WDR70: variants seen among roughly 807,000 people sequenced by gnomAD.
The protein encoded by WDR70 is WD repeat domain 70, also known as WD repeat-containing protein 70.
In WDR70, 53 loss-of-function variants were observed where a neutral mutation model predicts 88.6. That is an observed-to-expected ratio of 0.60 (90% confidence interval 0.48 to 0.75). The LOEUF is 0.75. Ranked by LOEUF, WDR70 falls within the 30% of genes least tolerant of loss-of-function variation. The pLI is 0.00. For missense variants in WDR70, 610 were observed against 823.2 expected, an observed-to-expected ratio of 0.74 and a Z score of 3.17; for synonymous variants, 280 against 270.0, an observed-to-expected ratio of 1.04 and a Z score of -0.36.
chr5:37,419,611 C>G (rs548271612), intron 5 of WDR70, among the ~76,000 whole-genome samples: 1 of 151,586 alleles, frequency 6.6e-6, no homozygotes, highest in Non-Finnish European at 1.5e-5. Context: ...ATCAGAAGTT[C>G]GAGACCAGCC....
chr5:37,496,805 G>A (rs1740231072), intron 8 of WDR70, among the ~76,000 whole-genome samples: 1 of 152,162 alleles, frequency 6.6e-6, no homozygotes, highest in Admixed American at 6.5e-5. Context: ...CCTGAGTCTG[G>A]GAATGAGGAG....
intron 17 of WDR70, among the ~76,000 whole-genome samples, chr5:37,752,275 G>A (rs1748835684): frequency 1.3e-5 from 2 of 152,098 alleles, no homozygotes; most frequent in Non-Finnish European, 2.9e-5. Context: ...GCCACAGAGG[G>A]TAAATCTTTA....
At chr5:37,647,952 C>T (rs1294828307) in intron 10 of WDR70, among the ~76,000 whole-genome samples, 51 of 152,132 alleles carry the variant, frequency 3.4e-4, no homozygotes. Context: ...CATGAGAAAT[C>T]GCTATCATGA....
chr5:37,674,228 T>C (rs950331330), intron 10 of WDR70, among the ~76,000 whole-genome samples: 1 of 151,832 alleles, frequency 6.6e-6, no homozygotes, highest in African/African-American at 2.4e-5. Flanking sequence ...AATTTCCATT[T>C]TCTTTTTTTT....
intron 8 of WDR70, among the ~76,000 whole-genome samples, chr5:37,504,848 T>C (rs1013752816): frequency 4.6e-5 from 7 of 152,306 alleles, no homozygotes; most frequent in African/African-American, 1.4e-4. Flanking sequence ...CAGAACCCAT[T>C]TGGACACAGC....
chr5:37,504,960 T>C (rs529494064), intron 8 of WDR70, among the ~76,000 whole-genome samples: 175 of 152,074 alleles, frequency 1.2e-3, no homozygotes, highest in African/African-American at 4.1e-3. Flanking sequence ...CTCAAGAAAA[T>C]TGGGCTGAAA....
intron 9 of WDR70, among the ~76,000 whole-genome samples, chr5:37,580,557 G>T (rs1314652150): frequency 6.6e-6 from 1 of 152,134 alleles, no homozygotes; most frequent in Non-Finnish European, 1.5e-5. Context: ...CACCTCAAAG[G>T]AATAGCATGT....
At chr5:37,679,553 G>A (rs568573092) in intron 10 of WDR70, among the ~76,000 whole-genome samples, 12 of 152,298 alleles carry the variant, frequency 7.9e-5, no homozygotes, top group African/African-American at 1.4e-4. Context: ...GCGGATTTTC[G>A]TGAACCGCGA....
chr5:37,741,937 G>A (rs2112732636), intron 17 of WDR70, among the ~76,000 whole-genome samples: 1 of 152,270 alleles, frequency 6.6e-6, no homozygotes, highest in Admixed American at 6.5e-5. Flanking sequence ...CATGTTATCA[G>A]AATTTCCTTC....
Position 37,394,736 on chromosome 5 carries a change from C to G in WDR70, c.297-1639C>G, listed in dbSNP as rs535335236. Among the ~76,000 whole-genome samples the G allele has an allele frequency of 9.2e-5, 14 of 152,254 alleles. No individual in the cohort carries two copies. The South Asian group carries it at 2.5e-3, about 27-fold the overall frequency. On this transcript the variant is annotated intron_variant, in intron 4 of 17. Coordinates refer to ENST00000265107, the MANE Select transcript of WDR70 (RefSeq NM_018034.4). Reference sequence around the variant, plus strand: ...GTAACAATCTATGGGAAGGGTAAGTCAGCCGACAGAACTACAAGTGCAAAG... The same window carrying G: ...GTAACAATCTATGGGAAGGGTAAGTGAGCCGACAGAACTACAAGTGCAAAG...
chr5:37,668,605 C>T (rs184544106), intron 10 of WDR70, among the ~76,000 whole-genome samples: 1 of 152,204 alleles, frequency 6.6e-6, no homozygotes, highest in African/African-American at 2.4e-5. Context: ...AAAGTAAACA[C>T]CTTCAATTTC....
At chr5:37,661,511 AAG>A (rs1229182029) in intron 10 of WDR70, among the ~76,000 whole-genome samples, 1 of 152,230 alleles carries the variant, frequency 6.6e-6, no homozygotes, top group Admixed American at 6.5e-5. Flanking sequence ...GCAATGGAGA[AAG>A]AGTAATTCAT....
intron 8 of WDR70, among the ~76,000 whole-genome samples, chr5:37,507,833 G>A (rs959178199): frequency 1.3e-5 from 2 of 152,130 alleles, no homozygotes; most frequent in Non-Finnish European, 2.9e-5. Flanking sequence ...GTCATTGGTA[G>A]TGCATAGAAA....
intron 10 of WDR70, among the ~76,000 whole-genome samples, chr5:37,652,377 C>T (rs1745434456): frequency 6.6e-6 from 1 of 152,166 alleles, no homozygotes; most frequent in African/African-American, 2.4e-5. Context: ...TAGTGTGATG[C>T]CTCCAGCTTT....
At chr5:37,653,693 G>T (rs1445559279) in intron 10 of WDR70, among the ~76,000 whole-genome samples, 1 of 152,040 alleles carries the variant, frequency 6.6e-6, no homozygotes, top group East Asian at 1.9e-4. Flanking sequence ...CAAGAATTTG[G>T]CTATTTCTTC....
intron 9 of WDR70, among the ~76,000 whole-genome samples, chr5:37,521,584 C>A (rs112747561): frequency 1.3e-5 from 2 of 152,046 alleles, no homozygotes; most frequent in Non-Finnish European, 2.9e-5. Flanking sequence ...TGAGAAGATG[C>A]GATGTTTGGT....
At chr5:37,597,252 ATTTAAC>A (rs1743730763) in intron 9 of WDR70, among the ~76,000 whole-genome samples, 1 of 152,196 alleles carries the variant, frequency 6.6e-6, no homozygotes, top group Non-Finnish European at 1.5e-5. Context: ...GGAAGTATAT[ATTTAAC>A]TTTATAAGAA....
intron 7 of WDR70, among the ~76,000 whole-genome samples, chr5:37,462,490 G>C (rs1436836808): frequency 6.6e-6 from 1 of 152,092 alleles, no homozygotes; most frequent in East Asian, 1.9e-4. Flanking sequence ...TTTCAGTAGA[G>C]ACGGGGTTTC....
chr5:37,506,110 G>T (rs1740551876), intron 8 of WDR70: 2 of 1,157,002 alleles, frequency 1.7e-6, no homozygotes, highest in Non-Finnish European at 2.6e-6. Flanking sequence ...GCATGTGCAA[G>T]ATTGCAGCGG....
Sources: gnomAD v4.1 joint callset for allele counts (sites outside exome capture counted in the v4.1 genomes callset) on GRCh38, gnomAD v4.1.1 for gene constraint, MANE v1.5 for transcripts, NCBI Gene and HGNC (gene_info 2026-07-23, HGNC 2026-07-21) for gene names.